MSR1: variants seen among roughly 807,000 people sequenced by gnomAD.
MSR1 encodes macrophage scavenger receptor types I and II.
MSR1 carries 53 observed loss-of-function variants against 47.2 expected under a neutral mutation model. The ratio of observed to expected loss-of-function variants is 1.12; its 90% CI spans 0.90 to 1.41. The LOEUF (loss-of-function observed/expected upper bound fraction) is 1.41, where lower values mean the gene tolerates loss of function less well. MSR1 is among the 40% of genes most tolerant of loss of function. MSR1 has a pLI of 0.00. For synonymous variants in MSR1, 239 were observed against 185.6 expected (o/e 1.29, Z -2.34); for missense variants, 786 against 546.9 (o/e 1.44, Z -4.36).
chr8:16,133,823 G>C (rs531273283), intron 8 of MSR1, among the ~76,000 whole-genome samples: 1 of 152,204 alleles, frequency 6.6e-6, no homozygotes, highest in East Asian at 1.9e-4. Flanking sequence ...CTCTGCTGTT[G>C]TCTGCAGCTG....
intron 6 of MSR1, among the ~76,000 whole-genome samples, chr8:16,150,985 C>T (rs7825843): frequency 0.04 from 6,108 of 151,632 alleles, 433 homozygotes; most frequent in African/African-American, 0.14. Context: ...ATTTTTTTTA[C>T]CCAATATTAC....
intron 5 of MSR1, among the ~76,000 whole-genome samples, chr8:16,158,954 G>C (rs398496): frequency 1.3e-5 from 1 of 78,748 alleles, no homozygotes; most frequent in African/African-American, 5.4e-5. Flanking sequence ...TTTTTTTTCA[G>C]AGATAGGGTC....
intron 1 of MSR1, among the ~76,000 whole-genome samples, chr8:16,182,475 A>G (rs915304725): frequency 6.6e-6 from 1 of 152,206 alleles, no homozygotes; most frequent in African/African-American, 2.4e-5. Context: ...CTCTTTTATA[A>G]TAACACCTGG....
intron 2 of MSR1, among the ~76,000 whole-genome samples, chr8:16,175,925 CAG>C (rs1801632782): frequency 6.6e-6 from 1 of 152,066 alleles, no homozygotes; most frequent in South Asian, 2.1e-4. Flanking sequence ...ATATTAATAA[CAG>C]TAACCTTTTA....
At chr8:16,140,092 T>TAATGATC (rs1800513227) in intron 8 of MSR1, 2 of 979,472 alleles carry the variant, frequency 2.0e-6, no homozygotes, top group Admixed American at 6.2e-5. Context: ...AATTAATGAT[T>TAATGATC]GAATGAATGG....
At position 16,113,480 on chromosome 8, in the gene MSR1, C is replaced by T. The variant is rs373610148; in HGVS notation, c.1223-3262G>A. Among the ~76,000 whole-genome samples the T allele has an allele frequency of 9.2e-5, 14 of 152,226 alleles. 1 individual carries two copies. Among genetic ancestry groups the T allele is most frequent in the African/African-American group, 3.4e-4 (14 of 41,552 alleles). ...AATGTGTATTTTCATTATTTCTAGTCATGACTGAGTGACATAAATTTGTAT... is the reference window on the plus strand; with the variant it reads ...AATGTGTATTTTCATTATTTCTAGTTATGACTGAGTGACATAAATTTGTAT... On this transcript the variant is annotated intron_variant, in intron 9 of 9. Coordinates refer to ENST00000262101, the MANE Select transcript of MSR1 (RefSeq NM_138715.3).
At chr8:16,127,692 G>A (rs997020890) in intron 8 of MSR1, among the ~76,000 whole-genome samples, 3 of 152,178 alleles carry the variant, frequency 2.0e-5, no homozygotes, top group African/African-American at 7.2e-5. Context: ...CATATCTAAA[G>A]AGAAAGAGAG....
At chr8:16,175,086 T>C (rs528902609) in intron 3 of MSR1, 101 bp downstream of exon 3, 4 of 922,224 alleles carry the variant, frequency 4.3e-6, no homozygotes, top group East Asian at 2.5e-5. Flanking sequence ...ATTTTCTTTA[T>C]GAATGTACCA....
chr8:16,182,677 T>C (rs1801869254), intron 1 of MSR1, among the ~76,000 whole-genome samples: 1 of 152,022 alleles, frequency 6.6e-6, no homozygotes, highest in Non-Finnish European at 1.5e-5. Flanking sequence ...TGTCTTCCCC[T>C]CCATATCTTC....
intron 8 of MSR1, 34 bp from the exon 9 acceptor site, chr8:16,120,640 A>C: frequency 2.0e-6 from 3 of 1,529,866 alleles, no homozygotes; most frequent in Non-Finnish European, 2.6e-6. Context: ...AAAAAAAAAA[A>C]AGGCAAGCAA....
intron 9 of MSR1, among the ~76,000 whole-genome samples, chr8:16,117,952 C>A (rs1799915210): frequency 6.6e-6 from 1 of 152,156 alleles, no homozygotes; most frequent in East Asian, 1.9e-4. Flanking sequence ...AAACCTTCTC[C>A]CATCCCTGGT....
At chr8:16,128,041 T>C (rs1440011797) in intron 8 of MSR1, among the ~76,000 whole-genome samples, 1 of 152,170 alleles carries the variant, frequency 6.6e-6, no homozygotes, top group Non-Finnish European at 1.5e-5. Context: ...ATATTGGCAG[T>C]AAACAAAAGT....
At chr8:16,116,499 T>G (rs758961591) in intron 9 of MSR1, among the ~76,000 whole-genome samples, 1 of 152,076 alleles carries the variant, frequency 6.6e-6, no homozygotes, top group Admixed American at 6.6e-5. Flanking sequence ...TTTAGACAAA[T>G]TATGTCAAGA....
Position 16,140,572 on chromosome 8 carries a change from G to T in MSR1, c.1033+2986C>A, listed in dbSNP as rs928531725. ...CCTCACACAAGTGTTATATTGTATG[G>T]TAGGAATCGCTTTGCTTGACTGAAA... is the stretch of plus-strand genomic sequence containing the variant. On this transcript the variant is annotated intron_variant, in intron 8 of 9. Coordinates refer to ENST00000262101, the MANE Select transcript of MSR1 (RefSeq NM_138715.3). 3.8e-6 allele frequency: 4 copies of T among 1,058,068 alleles called. No homozygotes were observed. In the African/African-American group the frequency reaches 6.7e-5, roughly 18 times the overall value. The allele number at this position is 1,058,068 out of a possible 1,614,324, so 65.5% of individuals were successfully genotyped here.
At chr8:16,135,636 A>C (rs1800370604) in intron 8 of MSR1, among the ~76,000 whole-genome samples, 1 of 152,202 alleles carries the variant, frequency 6.6e-6, no homozygotes, top group Non-Finnish European at 1.5e-5. Flanking sequence ...TACTTAAGAA[A>C]TACATCTTGT....
intron 2 of MSR1, 114 bp from the exon 3 acceptor site, chr8:16,175,414 G>C: frequency 1.1e-6 from 1 of 921,724 alleles, no homozygotes; most frequent in East Asian, 2.6e-5. Flanking sequence ...GAATAAAAAA[G>C]AAGAAAAAAT....
rs779685683 is a variant in MSR1 at position 16,155,103 on chromosome 8, T to G, written c.859A>C (p.Thr287Pro). The G allele has an allele frequency of 6.8e-6, 11 of 1,612,204 alleles. No homozygotes were observed. The African/African-American group carries it at 1.3e-4, about 20-fold the overall frequency. Residue 287 changes from threonine (T) to proline (P), a missense_variant, in exon 6 of 10, where the codon ACT becomes CCT. Thr to Pro is a conservative substitution (Grantham distance 38). Coordinates refer to ENST00000262101, the MANE Select transcript of MSR1 (RefSeq NM_138715.3). ...AATCCTCGTGGACCACTTTCTCCAG[T>G]GGGACCTCGATCTCCTTTTTCACCC... The part of the protein sequence containing the change: ...PPGEKGDRGP[T>P]GESGPRGFPG...
chr8:16,134,026 T>A (rs1195372641), intron 8 of MSR1, among the ~76,000 whole-genome samples: 1 of 152,188 alleles, frequency 6.6e-6, no homozygotes, highest in African/African-American at 2.4e-5. Flanking sequence ...GATAGTCAGC[T>A]GCTGCAGGGT....
intron 5 of MSR1, among the ~76,000 whole-genome samples, chr8:16,162,236 AT>A (rs1216744728): frequency 1.3e-5 from 2 of 151,980 alleles, no homozygotes; most frequent in Non-Finnish European, 2.9e-5. Context: ...CAGGGGACCA[AT>A]TTTTTCAGCA....
Sources: allele counts gnomAD v4.1 joint callset (sites outside exome capture counted in the v4.1 genomes callset), GRCh38; gene constraint gnomAD v4.1.1; transcripts MANE v1.5; gene names NCBI Gene and HGNC (gene_info 2026-07-23, HGNC 2026-07-21).